Variants in DPH6 observed in about 807,000 individuals in gnomAD.
DPH6 encodes diphthine--ammonia ligase.
A neutral mutation model predicts 38.2 loss-of-function variants in DPH6; 33 were observed. That is an observed-to-expected ratio of 0.86 (90% confidence interval 0.65 to 1.15). DPH6 has a LOEUF of 1.15. Among genes scored for constraint, DPH6 ranks in the 50% most tolerant of loss-of-function variants. The pLI is 0.00. For missense variants in DPH6, 325 were observed against 320.0 expected (o/e 1.02, Z -0.12); for synonymous variants, 108 against 103.0 (o/e 1.05, Z -0.30).
chr15:35,202,232 C>A, the DPH6 span, among the ~76,000 whole-genome samples: 1 of 151,686 alleles, frequency 6.6e-6, no homozygotes, highest in Non-Finnish European at 1.5e-5. Flanking sequence ...TTCCTAGGCA[C>A]GTTTGAAAGG....
chr15:35,513,291 A>G (rs922091887), intron 3 of DPH6, among the ~76,000 whole-genome samples: 1 of 152,090 alleles, frequency 6.6e-6, no homozygotes. Context: ...AAAGAAAATT[A>G]ACAAAGAATT....
intron 3 of DPH6, among the ~76,000 whole-genome samples, chr15:35,283,354 G>T (rs1035982218): frequency 1.3e-5 from 2 of 151,318 alleles, no homozygotes; most frequent in African/African-American, 4.9e-5. Flanking sequence ...ACCCAGGCTG[G>T]AGTGCAATTC....
chr15:35,435,605 C>G (rs2053688380), intron 5 of DPH6, among the ~76,000 whole-genome samples: 1 of 152,052 alleles, frequency 6.6e-6, no homozygotes, highest in Non-Finnish European at 1.5e-5. Context: ...GTTGGCAGGA[C>G]CCCCTCTTTC....
chr15:35,214,151 G>T (rs1453443974), downstream of DPH6, among the ~76,000 whole-genome samples: 1 of 151,464 alleles, frequency 6.6e-6, no homozygotes, highest in Non-Finnish European at 1.5e-5. Context: ...GAGAGGCTAT[G>T]TCTTCTAATT....
intron 5 of DPH6, among the ~76,000 whole-genome samples, chr15:35,441,186 A>G (rs1022303504): frequency 6.6e-6 from 1 of 152,224 alleles, no homozygotes; most frequent in African/African-American, 2.4e-5. Flanking sequence ...ATGTGGAGAA[A>G]TAAGAATGCT....
chr15:35,351,623 T>A (rs2052511850), intron 3 of DPH6, among the ~76,000 whole-genome samples: 1 of 152,144 alleles, frequency 6.6e-6, no homozygotes, highest in South Asian at 2.1e-4. Flanking sequence ...GTTACATCAG[T>A]CTGTTTTAAG....
At chr15:35,172,260 A>G in the DPH6 span, among the ~76,000 whole-genome samples, 1 of 152,194 alleles carries the variant, frequency 6.6e-6, no homozygotes, top group Non-Finnish European at 1.5e-5. Context: ...TCAGCCACCT[A>G]TGTGGACAAT....
chr15:35,360,918 C>T (rs914432054), intron 3 of DPH6, among the ~76,000 whole-genome samples: 1 of 152,094 alleles, frequency 6.6e-6, no homozygotes, highest in Non-Finnish European at 1.5e-5. Context: ...GGCATATCTC[C>T]TACCAGGTCC....
At chr15:35,391,161 T>C (rs1306834447) in intron 6 of DPH6, among the ~76,000 whole-genome samples, 1 of 152,272 alleles carries the variant, frequency 6.6e-6, no homozygotes, top group African/African-American at 2.4e-5. Context: ...ACAGTGGATA[T>C]TGGAGAGCCA....
chr15:35,282,657 T>C, intron 3 of DPH6: 1 of 422,894 alleles, frequency 2.4e-6, no homozygotes, highest in Non-Finnish European at 4.9e-6. Context: ...TACTACCAGT[T>C]ATTTCATAAT....
intron 3 of DPH6, among the ~76,000 whole-genome samples, chr15:35,290,827 C>A (rs1462473772): frequency 6.6e-6 from 1 of 151,640 alleles, no homozygotes; most frequent in African/African-American, 2.4e-5. Context: ...TTTGTCAGCA[C>A]ATATAATCCC....
chr15:35,362,215 C>T lies in DPH6; in HGVS notation n.207+11306G>A, dbSNP rs371490812. 6.6e-5 allele frequency among the ~76,000 whole-genome samples: 10 copies of T among 152,240 alleles called. No individual in the cohort carries two copies. The East Asian group carries it at 1.6e-3, about 24-fold the overall frequency. ...AGTTTTCCAGTTTCCTTTTCAGAAG[C>T]TTGTGATCTCTTACTCTGTAGAGTG... On this transcript the variant is annotated intron_variant and non_coding_transcript_variant, in intron 3 of 3. Transcript: ENST00000558973.
intron 3 of DPH6, among the ~76,000 whole-genome samples, chr15:35,486,944 C>T (rs2054410291): frequency 6.6e-6 from 1 of 152,110 alleles, no homozygotes; most frequent in African/African-American, 2.4e-5. Context: ...GAGAAATTGG[C>T]TCAAACCAAG....
At chr15:35,298,976 A>AAT in intron 3 of DPH6, 3 of 763,476 alleles carry the variant, frequency 3.9e-6, no homozygotes, top group African/African-American at 1.7e-5. Context: ...CCTAATCTTC[A>AAT]TCTTCATCAG....
the DPH6 span, among the ~76,000 whole-genome samples, chr15:35,159,783 G>GA: frequency 1.1e-4 from 16 of 151,990 alleles, no homozygotes; most frequent in Admixed American, 3.9e-4. Flanking sequence ...TTCACAATAA[G>GA]AAAAAACATA....
intron 3 of DPH6, among the ~76,000 whole-genome samples, chr15:35,261,437 C>T (rs2051745651): frequency 6.6e-6 from 1 of 152,088 alleles, no homozygotes. Context: ...CTCTTGACTT[C>T]TCAAAATTAT....
intron 3 of DPH6, among the ~76,000 whole-genome samples, chr15:35,296,811 T>C (rs1304446575): frequency 8.2e-6 from 1 of 121,768 alleles, no homozygotes; most frequent in Non-Finnish European, 1.5e-5. Context: ...CTTCTTTTTT[T>C]TTTTGAGACG....
intron 3 of DPH6, among the ~76,000 whole-genome samples, chr15:35,456,052 A>G (rs890726809): frequency 1.1e-4 from 16 of 152,274 alleles, no homozygotes; most frequent in South Asian, 2.1e-4. Flanking sequence ...TACCTGCCCA[A>G]ATCACCCCAA....
intron 3 of DPH6, among the ~76,000 whole-genome samples, chr15:35,502,756 C>CT (rs1201325792): frequency 6.6e-6 from 1 of 151,466 alleles, no homozygotes; most frequent in African/African-American, 2.4e-5. Flanking sequence ...AGTTATTTAA[C>CT]TTATTTGTTA....
Sources: allele counts gnomAD v4.1 joint callset (sites outside exome capture counted in the v4.1 genomes callset), GRCh38; gene constraint gnomAD v4.1.1; transcripts MANE v1.5; gene names NCBI Gene and HGNC (gene_info 2026-07-23, HGNC 2026-07-21).